CNBD1: variants seen among roughly 807,000 people sequenced by gnomAD.
The protein encoded by CNBD1 is cyclic nucleotide-binding domain-containing protein 1.
CNBD1 carries 71 observed loss-of-function variants against 54.4 expected under a neutral mutation model. The observed-to-expected ratio is 1.30, with a 90% confidence interval of 1.08 to 1.59. The LOEUF is 1.59. Among genes scored for constraint, CNBD1 ranks in the 40% most tolerant of loss-of-function variants. The pLI is 0.00. For missense variants in CNBD1, 659 were observed against 518.0 expected, an observed-to-expected ratio of 1.27 and a Z score of -2.64; for synonymous variants, 182 against 170.7, an observed-to-expected ratio of 1.07 and a Z score of -0.51.
chr8:87,128,317 C>A (rs902604334), intron 4 of CNBD1, among the ~76,000 whole-genome samples: 7 of 152,170 alleles, frequency 4.6e-5, no homozygotes, highest in African/African-American at 1.7e-4. Context: ...TTGGGAGTTG[C>A]AGACACTCAA....
intron 4 of CNBD1, among the ~76,000 whole-genome samples, chr8:86,958,738 G>T (rs535616569): frequency 3.8e-4 from 58 of 152,014 alleles, no homozygotes; most frequent in Non-Finnish European, 7.5e-4. Flanking sequence ...ACATGAGATG[G>T]GTCTCCTGAA....
At chr8:87,311,992 A>T (rs1307623835) in intron 8 of CNBD1, among the ~76,000 whole-genome samples, 3 of 151,966 alleles carry the variant, frequency 2.0e-5, no homozygotes, top group East Asian at 1.9e-4. Flanking sequence ...TAACTATTGG[A>T]TAGTATGCTT....
rs190124188 is a variant in CNBD1 at position 87,327,662 on chromosome 8, C to G, written c.1043-24023C>G. 2.6e-5 allele frequency among the ~76,000 whole-genome samples: 4 copies of G among 152,318 alleles called. No individual in the cohort carries two copies. The South Asian group carries it at 8.3e-4, about 32-fold the overall frequency. ...GGCAGTGCCTCGCCCTGCTTCGGCT[C>G]GTGCCCGGTGCGCACACCCACTGAC... On this transcript the variant is annotated intron_variant, in intron 8 of 10. Coordinates refer to ENST00000518476, the MANE Select transcript of CNBD1 (RefSeq NM_173538.3).
chr8:87,034,208 T>C (rs1809856957), intron 4 of CNBD1, among the ~76,000 whole-genome samples: 1 of 152,234 alleles, frequency 6.6e-6, no homozygotes, highest in African/African-American at 2.4e-5. Flanking sequence ...AACTCAACTT[T>C]TAATTGTAAT....
At chr8:87,372,601 T>C (rs1433177203) in intron 10 of CNBD1, among the ~76,000 whole-genome samples, 1 of 151,882 alleles carries the variant, frequency 6.6e-6, no homozygotes, top group African/African-American at 2.4e-5. Context: ...GTTATAAACA[T>C]TGATGACATT....
At chr8:86,897,035 A>C (rs1034316726) in intron 2 of CNBD1, among the ~76,000 whole-genome samples, 1 of 152,218 alleles carries the variant, frequency 6.6e-6, no homozygotes, top group South Asian at 2.1e-4. Flanking sequence ...AGAATGTGGG[A>C]AAAGATCTGC....
chr8:87,180,988 T>G (rs1462993112), intron 4 of CNBD1, among the ~76,000 whole-genome samples: 13 of 152,206 alleles, frequency 8.5e-5, no homozygotes, highest in Non-Finnish European at 1.6e-4. Context: ...AATCCTGCTC[T>G]GGGCTTTGAA....
At chr8:87,390,015 T>A (rs1811275260) in intron 2 of CNBD1, among the ~76,000 whole-genome samples, 1 of 150,986 alleles carries the variant, frequency 6.6e-6, no homozygotes, top group South Asian at 2.1e-4. Context: ...CCCTATTTAA[T>A]AAATGGTGCT....
intron 4 of CNBD1, among the ~76,000 whole-genome samples, chr8:87,034,096 CTTT>C (rs796184627): frequency 6.6e-5 from 10 of 152,206 alleles, no homozygotes; most frequent in African/African-American, 2.4e-4. Context: ...CAGTAATTTT[CTTT>C]TTTCCATTTA....
chr8:87,110,398 A>G (rs1262473795), intron 4 of CNBD1, among the ~76,000 whole-genome samples: 1 of 152,124 alleles, frequency 6.6e-6, no homozygotes, highest in African/African-American at 2.4e-5. Context: ...ACCCCACCCA[A>G]AAATGACCTT....
intron 1 of CNBD1, among the ~76,000 whole-genome samples, chr8:86,883,893 T>G (rs1795230644): frequency 6.6e-6 from 1 of 152,108 alleles, no homozygotes; most frequent in African/African-American, 2.4e-5. Context: ...GGCTCACGCC[T>G]GTAATCCCAG....
intron 5 of CNBD1, among the ~76,000 whole-genome samples, chr8:87,232,311 T>A (rs1481032434): frequency 6.6e-6 from 1 of 152,164 alleles, no homozygotes; most frequent in Non-Finnish European, 1.5e-5. Context: ...TACTGGGACA[T>A]ACGTTAGATG....
intron 4 of CNBD1, among the ~76,000 whole-genome samples, chr8:87,198,070 A>G (rs1219728766): frequency 6.6e-6 from 1 of 152,248 alleles, no homozygotes; most frequent in Non-Finnish European, 1.5e-5. Flanking sequence ...ATTTTTCAAA[A>G]CCTGGAAATT....
chr8:87,276,310 G>A (rs1005909454), intron 6 of CNBD1, among the ~76,000 whole-genome samples: 1 of 151,612 alleles, frequency 6.6e-6, no homozygotes, highest in African/African-American at 2.4e-5. Context: ...TTATTTAAGG[G>A]AAAAAATATC....
chr8:86,867,480 T>C (rs576250765), intron 1 of CNBD1, among the ~76,000 whole-genome samples: 1 of 152,330 alleles, frequency 6.6e-6, no homozygotes, highest in East Asian at 1.9e-4. Context: ...TTAATGCTCA[T>C]AGTCTCCAGG....
intron 2 of CNBD1, among the ~76,000 whole-genome samples, chr8:87,412,265 G>T (rs1011630249): frequency 6.6e-6 from 1 of 151,854 alleles, no homozygotes; most frequent in Non-Finnish European, 1.5e-5. Context: ...CATGTGTTTT[G>T]GTATGTGTTT....
intron 2 of CNBD1, among the ~76,000 whole-genome samples, chr8:87,408,980 T>C (rs904007424): frequency 6.6e-5 from 10 of 152,044 alleles, no homozygotes; most frequent in African/African-American, 2.4e-4. Context: ...CCGACAAAAT[T>C]CAAATTAGGC....
intron 6 of CNBD1, among the ~76,000 whole-genome samples, chr8:87,241,726 G>GTTTT (rs1807712523): frequency 6.6e-6 from 1 of 152,058 alleles, no homozygotes; most frequent in Non-Finnish European, 1.5e-5. Flanking sequence ...TTGTGCCTAT[G>GTTTT]TAAAAAAATA....
chr8:87,084,613 A>G (rs1811062095), intron 4 of CNBD1, among the ~76,000 whole-genome samples: 1 of 150,798 alleles, frequency 6.6e-6, no homozygotes, highest in Admixed American at 6.6e-5. Flanking sequence ...TGCTTTCAAG[A>G]TTTTCACTTT....
Sources: gnomAD v4.1 joint callset for allele counts (sites outside exome capture counted in the v4.1 genomes callset) on GRCh38, gnomAD v4.1.1 for gene constraint, MANE v1.5 for transcripts, NCBI Gene and HGNC (gene_info 2026-07-23, HGNC 2026-07-21) for gene names.